Variants in CNBD2 observed in about 807,000 individuals in gnomAD.
The protein encoded by CNBD2 is cyclic nucleotide-binding domain-containing protein 2.
Under a neutral mutation model 63.7 loss-of-function variants are expected in CNBD2, and 64 were observed. The ratio of observed to expected loss-of-function variants is 1.00; its 90% CI spans 0.82 to 1.24. The LOEUF (loss-of-function observed/expected upper bound fraction) is 1.24, where lower values mean the gene tolerates loss of function less well. Among genes scored for constraint, CNBD2 ranks in the 50% most tolerant of loss-of-function variants. The pLI, the probability that CNBD2 is intolerant of heterozygous loss-of-function variation, is 0.00. For synonymous variants in CNBD2, 229 were observed against 255.4 expected (o/e 0.90, Z 0.99); for missense variants, 691 against 713.5 (o/e 0.97, Z 0.36).
chr20:35,977,851 C>T (rs2056542482), intron 3 of CNBD2, among the ~76,000 whole-genome samples: 1 of 152,138 alleles, frequency 6.6e-6, no homozygotes, highest in African/African-American at 2.4e-5. Context: ...ATTTCCAGGG[C>T]ATGTGAATTA....
intron 8 of CNBD2, among the ~76,000 whole-genome samples, chr20:36,004,372 T>C (rs2056956030): frequency 6.6e-6 from 1 of 152,156 alleles, no homozygotes; most frequent in African/African-American, 2.4e-5. Flanking sequence ...CTGTGGACTC[T>C]AGCTGCCTTG....
intron 8 of CNBD2, among the ~76,000 whole-genome samples, chr20:35,998,932 T>G (rs572093448): frequency 6.7e-6 from 1 of 148,320 alleles, no homozygotes; most frequent in Non-Finnish European, 1.5e-5. Flanking sequence ...TCTCCAGCCA[T>G]AATTATAGAT....
At chr20:36,016,593 C>T (rs2057135831) in intron 10 of CNBD2, among the ~76,000 whole-genome samples, 1 of 152,030 alleles carries the variant, frequency 6.6e-6, no homozygotes, top group Non-Finnish European at 1.5e-5. Context: ...AGTTTGAGAC[C>T]AGCCTGGCCA....
chr20:36,023,477 C>T (rs574958973), intron 10 of CNBD2, 125 bp from the exon 11 acceptor site: 5 of 805,596 alleles, frequency 6.2e-6, no homozygotes, highest in African/African-American at 1.8e-5. Context: ...TGGGCCATTG[C>T]ACTCCAGCCT....
At chr20:35,997,966 G>C (rs901528727) in intron 8 of CNBD2, among the ~76,000 whole-genome samples, 4 of 151,416 alleles carry the variant, frequency 2.6e-5, no homozygotes, top group Non-Finnish European at 5.9e-5. Context: ...GGAATATTTA[G>C]AAGAGTGTTT....
At chr20:36,013,030 A>G (rs2057083293) in intron 10 of CNBD2, among the ~76,000 whole-genome samples, 3 of 152,164 alleles carry the variant, frequency 2.0e-5, no homozygotes, top group Non-Finnish European at 2.9e-5. Flanking sequence ...ATTATTCTCT[A>G]TGGTACTGTA....
chr20:35,954,393 G>C (rs1392203719), upstream of CNBD2: 4 of 1,563,010 alleles, frequency 2.6e-6, no homozygotes, highest in African/African-American at 2.7e-5. Context: ...GGCAGAGCTC[G>C]CGTCACCCTT....
At chr20:35,968,896 G>A (rs1025939263) in intron 1 of CNBD2, 83 bp downstream of exon 1, 17 of 1,079,742 alleles carry the variant, frequency 1.6e-5, no homozygotes, top group African/African-American at 6.2e-5. Context: ...GCAGGTGTAG[G>A]AGGGGTCTTG....
chr20:35,980,358 A>G (rs2056578954), intron 3 of CNBD2, 101 bp from the exon 4 acceptor site: 1 of 1,083,368 alleles, frequency 9.2e-7, no homozygotes. Context: ...ACTGTGGTAC[A>G]GGGAACGGGA....
chr20:35,987,293 A>G (rs2056680940), intron 6 of CNBD2, 102 bp from the exon 7 acceptor site: 1 of 1,336,884 alleles, frequency 7.5e-7, no homozygotes, highest in African/African-American at 1.4e-5. Flanking sequence ...TCTTCCACCC[A>G]GGCATCCTCC....
intron 9 of CNBD2, among the ~76,000 whole-genome samples, chr20:36,009,871 AT>A (rs563643233): frequency 2.6e-5 from 4 of 152,128 alleles, no homozygotes; most frequent in Non-Finnish European, 5.9e-5. Flanking sequence ...CCAGTACTGA[AT>A]TATCTAATTT....
upstream of CNBD2, among the ~76,000 whole-genome samples, chr20:35,966,649 G>GT (rs113244350): frequency 7.6e-4 from 113 of 148,862 alleles, no homozygotes; most frequent in East Asian, 3.3e-3. Flanking sequence ...GTTTTGCTGA[G>GT]TTTTTTTTTT....
At position 36,023,612 on chromosome 20, in the gene CNBD2, A is replaced by G. The variant is rs559746385; in HGVS notation, c.1280A>G (p.Gln427Arg). 3 of 1,600,566 alleles carry G rather than the reference A, an allele frequency of 1.9e-6. No individual in the cohort carries two copies. In the African/African-American group the frequency reaches 4.0e-5, roughly 22 times the overall value. The change falls in exon 11 of 12, where the codon CAG becomes CGG. Residue 427 changes from glutamine to arginine, a missense_variant. Coordinates refer to ENST00000373973, the MANE Select transcript of CNBD2 (RefSeq NM_001365709.1). Reference protein sequence around the residue: ...VEQGEILGLHQAFLPEGECDT... With the variant: ...VEQGEILGLHRAFLPEGECDT... Reference sequence around the variant, plus strand: ...GTGACTTCTCCCGAGGGTCTTCACCAGGCCTTCCTTCCAGAGGGTGAATGC... The same window carrying G: ...GTGACTTCTCCCGAGGGTCTTCACCGGGCCTTCCTTCCAGAGGGTGAATGC...
At chr20:35,960,444 A>C (rs1339812213) in intron 2 of CNBD2, among the ~76,000 whole-genome samples, 1 of 152,170 alleles carries the variant, frequency 6.6e-6, no homozygotes, top group East Asian at 1.9e-4. Flanking sequence ...CTGGGTTCAA[A>C]CTATTCTGCC....
intron 9 of CNBD2, among the ~76,000 whole-genome samples, chr20:36,010,664 G>A (rs2147329114): frequency 6.6e-6 from 1 of 152,104 alleles, no homozygotes; most frequent in African/African-American, 2.4e-5. Context: ...TTGGGAGGCT[G>A]AGGCATGAGT....
At chr20:35,994,491 G>A (rs906166189) in intron 7 of CNBD2, among the ~76,000 whole-genome samples, 2 of 151,412 alleles carry the variant, frequency 1.3e-5, no homozygotes, top group African/African-American at 2.4e-5. Context: ...TACAGTCCGT[G>A]AGCCACCGTG....
downstream of CNBD2, among the ~76,000 whole-genome samples, chr20:35,955,901 G>C (rs536612024): frequency 6.6e-6 from 1 of 152,134 alleles, no homozygotes; most frequent in South Asian, 2.1e-4. Context: ...TTATATTTTT[G>C]GTACAGATGG....
downstream of CNBD2, chr20:35,959,523 TC>T (rs942086956): frequency 6.6e-6 from 1 of 152,046 alleles, no homozygotes; most frequent in African/African-American, 2.4e-5. Flanking sequence ...GAAAGGGGTT[TC>T]CCCTTATAAA....
chr20:36,019,854 G>A (rs1236187028), intron 10 of CNBD2, among the ~76,000 whole-genome samples: 1 of 152,180 alleles, frequency 6.6e-6, no homozygotes, highest in Non-Finnish European at 1.5e-5. Flanking sequence ...GTGGGTTGGA[G>A]GTGGCTGAGA....
Sources: gnomAD v4.1 joint callset for allele counts (sites outside exome capture counted in the v4.1 genomes callset) on GRCh38, gnomAD v4.1.1 for gene constraint, MANE v1.5 for transcripts, NCBI Gene and HGNC (gene_info 2026-07-23, HGNC 2026-07-21) for gene names.